CEP170: variants seen among roughly 807,000 people sequenced by gnomAD.
CEP170 encodes the protein centrosomal protein of 170 kDa.
Under a neutral mutation model 151.9 loss-of-function variants are expected in CEP170, and 21 were observed. That is an observed-to-expected ratio of 0.14 (90% confidence interval 0.10 to 0.20). The LOEUF (loss-of-function observed/expected upper bound fraction) is 0.20, where lower values mean the gene tolerates loss of function less well. CEP170 is among the 10% of genes least tolerant of loss of function. The pLI is 1.00. For missense variants in CEP170, 964 were observed against 1,892.9 expected (o/e 0.51, Z 9.11); for synonymous variants, 356 against 648.8 (o/e 0.55, Z 6.86).
chr1:243,134,469 C>T (rs1169871511), intron 17 of CEP170, among the ~76,000 whole-genome samples: 22 of 152,012 alleles, frequency 1.4e-4, no homozygotes, highest in Non-Finnish European at 2.9e-5. Context: ...GTACAAGGTA[C>T]TCTTTACGAA....
chr1:243,159,043 G>A (rs2057821777), intron 13 of CEP170, among the ~76,000 whole-genome samples: 1 of 152,060 alleles, frequency 6.6e-6, no homozygotes, highest in Non-Finnish European at 1.5e-5. Flanking sequence ...CTGTGGCCTG[G>A]TGACAGAGCC....
rs1265393763 is a variant in CEP170 at position 243,137,964 on chromosome 1, T to C, written c.4231-1733A>G. 2.0e-5 allele frequency among the ~76,000 whole-genome samples: 3 copies of C among 152,014 alleles called. No individual in the cohort carries two copies. The East Asian group carries it at 5.8e-4, about 29-fold the overall frequency. ...TCAAGGAAAGGATAAATAAGCAAAA[T>C]GGTTTTTGTGGGCCTTAAGAAAACA... On this transcript the variant is annotated intron_variant, in intron 16 of 19. Transcript: ENST00000366542.
rs572214880 is a variant in CEP170, at chr1:243,148,701, A to T, written c.3912-6238T>A. Among the ~76,000 whole-genome samples, 4 of 152,338 alleles carry T rather than the reference A, an allele frequency of 2.6e-5. No individual in the cohort carries two copies. The South Asian group carries it at 8.3e-4, about 32-fold the overall frequency. ...AAGAGGCTCAAAGTTTAATTCATGT[A>T]TTGATTAACTCATATATTTGACTTA... On this transcript the variant is annotated intron_variant, in intron 14 of 19. Transcript: ENST00000366542.
intron 1 of CEP170, among the ~76,000 whole-genome samples, chr1:243,233,724 C>A: frequency 1.2e-5 from 1 of 85,858 alleles, no homozygotes; most frequent in East Asian, 3.3e-4. Context: ...CAGAGCAAGA[C>A]TCCATCTCAA....
At chr1:243,137,695 A>G (rs542342254) in intron 16 of CEP170, among the ~76,000 whole-genome samples, 1 of 151,888 alleles carries the variant, frequency 6.6e-6, no homozygotes, top group Non-Finnish European at 1.5e-5. Flanking sequence ...GAATTGCTTG[A>G]ACCTGGGAGG....
chr1:243,203,087 C>T (rs1432637960), intron 4 of CEP170, among the ~76,000 whole-genome samples: 1 of 152,118 alleles, frequency 6.6e-6, no homozygotes, highest in African/African-American at 2.4e-5. Flanking sequence ...TTGTTTGGGT[C>T]ATTAATTCAT....
chr1:243,249,182 T>C (rs2065701307), intron 1 of CEP170, among the ~76,000 whole-genome samples: 1 of 152,016 alleles, frequency 6.6e-6, no homozygotes, highest in Non-Finnish European at 1.5e-5. Context: ...TACTAGAACT[T>C]TGGGAGGCTG....
At chr1:243,155,690 C>T (rs2057483234) in intron 14 of CEP170, among the ~76,000 whole-genome samples, 1 of 151,956 alleles carries the variant, frequency 6.6e-6, no homozygotes, top group Admixed American at 6.6e-5. Context: ...CTAAAGGTTA[C>T]TATAAACAGA....
Position 243,211,867 on chromosome 1 carries a change from T to C in CEP170, c.274+19A>G, listed in dbSNP as rs1392497920. ...TATTTGAATAAATTTAATAAGTACA[T>C]AAAACCATTTAAGGATATCATATCC... On this transcript the variant is annotated intron_variant, in intron 4 of 19. Coordinates refer to ENST00000366542, the MANE Select transcript of CEP170 (RefSeq NM_014812.3). The C allele has an allele frequency of 8.1e-6, 13 of 1,600,960 alleles. No homozygotes were observed. Among genetic ancestry groups the C allele is most frequent in the Non-Finnish European group, 1.1e-5 (13 of 1,174,274 alleles).
chr1:243,138,497 G>A (rs4037821), intron 16 of CEP170, among the ~76,000 whole-genome samples: 1 of 152,196 alleles, frequency 6.6e-6, no homozygotes, highest in Non-Finnish European at 1.5e-5. Context: ...GGGATCCACA[G>A]ATATTAATCT....
At chr1:243,213,448 T>C (rs138769313) in intron 3 of CEP170, among the ~76,000 whole-genome samples, 5 of 152,276 alleles carry the variant, frequency 3.3e-5, no homozygotes, top group African/African-American at 4.8e-5. Context: ...AACAGGAAGA[T>C]ATTTCATAAT....
At chr1:243,170,599 G>A (rs555067175) in intron 11 of CEP170, among the ~76,000 whole-genome samples, 2 of 151,966 alleles carry the variant, frequency 1.3e-5, no homozygotes, top group East Asian at 3.9e-4. Context: ...TTCGAGACCA[G>A]CCTGGCCAAC....
intron 3 of CEP170, 129 bp from the exon 4 acceptor site, chr1:243,212,093 A>G (rs953053146): frequency 9.3e-6 from 10 of 1,076,196 alleles, no homozygotes; most frequent in East Asian, 6.1e-5. Context: ...CCTGAGTATC[A>G]TAAGATGTGC....
intron 4 of CEP170, among the ~76,000 whole-genome samples, chr1:243,204,417 T>C (rs1207168908): frequency 6.6e-6 from 1 of 152,172 alleles, no homozygotes; most frequent in Admixed American, 6.6e-5. Flanking sequence ...TTGTGGGCCA[T>C]TATGCAGGAA....
intron 7 of CEP170, among the ~76,000 whole-genome samples, chr1:243,197,801 C>A (rs1054518925): frequency 6.6e-6 from 1 of 152,006 alleles, no homozygotes; most frequent in Admixed American, 6.6e-5. Context: ...TAGTCTCAGG[C>A]AGCATTTGTT....
At chr1:243,213,557 A>AAGACAGTC (rs2062003659) in intron 3 of CEP170, among the ~76,000 whole-genome samples, 1 of 152,182 alleles carries the variant, frequency 6.6e-6, no homozygotes, top group Non-Finnish European at 1.5e-5. Flanking sequence ...TCTTCAAATG[A>AAGACAGTC]AGACAGTCAT....
intron 16 of CEP170, among the ~76,000 whole-genome samples, chr1:243,137,987 ACAAT>A (rs2055335054): frequency 6.6e-6 from 1 of 151,950 alleles, no homozygotes; most frequent in Admixed American, 6.6e-5. Context: ...CCTTAAGAAA[ACAAT>A]CAAATAAGGA....
At chr1:243,171,225 C>T in intron 11 of CEP170, among the ~76,000 whole-genome samples, 1 of 152,154 alleles carries the variant, frequency 6.6e-6, no homozygotes, top group Non-Finnish European at 1.5e-5. Context: ...AATTAAGTAT[C>T]TCATAAAACA....
intron 10 of CEP170, among the ~76,000 whole-genome samples, chr1:243,176,111 A>C (rs1207366923): frequency 6.6e-6 from 1 of 151,982 alleles, no homozygotes; most frequent in Admixed American, 6.6e-5. Context: ...GGTATTTCCA[A>C]CATAGTATCT....
Sources: gnomAD v4.1 joint callset for allele counts (sites outside exome capture counted in the v4.1 genomes callset) on GRCh38, gnomAD v4.1.1 for gene constraint, MANE v1.5 for transcripts, NCBI Gene and HGNC (gene_info 2026-07-23, HGNC 2026-07-21) for gene names.